The following DPP10 variants were observed in gnomAD, a reference collection of about 807,000 sequenced individuals.
DPP10 encodes the protein inactive dipeptidyl peptidase 10.
In DPP10, 33 loss-of-function variants were observed where a neutral mutation model predicts 120.9. The observed-to-expected ratio is 0.27, with a 90% confidence interval of 0.21 to 0.37. The LOEUF is 0.37. Among genes scored for constraint, DPP10 ranks in the 10% least tolerant of loss-of-function variants. The pLI is 1.00. For missense variants in DPP10, 816 were observed against 942.8 expected, an observed-to-expected ratio of 0.87 and a Z score of 1.76; for synonymous variants, 337 against 326.1, an observed-to-expected ratio of 1.03 and a Z score of -0.36.
intron 1 of DPP10, among the ~76,000 whole-genome samples, chr2:114,512,365 A>G (rs954910397): frequency 6.6e-6 from 1 of 152,162 alleles, no homozygotes; most frequent in African/African-American, 2.4e-5. Flanking sequence ...ATCTCTACAC[A>G]TACTTTAGGA....
chr2:114,524,186 A>G (rs971708907), intron 1 of DPP10, among the ~76,000 whole-genome samples: 6 of 152,262 alleles, frequency 3.9e-5, no homozygotes, highest in Non-Finnish European at 5.9e-5. Flanking sequence ...ACAGGTGAAG[A>G]TGACATTTGT....
At position 114,793,766 on chromosome 2, in the gene DPP10, C is replaced by G. The variant is rs138312994; in HGVS notation, c.60+350928C>G. Among the ~76,000 whole-genome samples, 830 of 152,258 alleles carry G rather than the reference C, an allele frequency of 5.5e-3. 5 individuals are homozygous for G. Among genetic ancestry groups the G allele is most frequent in the African/African-American group, 0.019 (795 of 41,548 alleles). ...TACCCTTGATGCATGCGGAGACTTC[C>G]TCTATCCATTTCTTATACCATGTTG... On this transcript the variant is annotated intron_variant, in intron 1 of 25. Coordinates refer to ENST00000410059, the MANE Select transcript of DPP10 (RefSeq NM_020868.6).
intron 19 of DPP10, among the ~76,000 whole-genome samples, chr2:115,800,551 G>T (rs1355807462): frequency 6.6e-6 from 1 of 152,044 alleles, no homozygotes; most frequent in Non-Finnish European, 1.5e-5. Flanking sequence ...TTTTCTTCTA[G>T]GGTTTTTATG....
At chr2:114,692,777 T>C (rs1699846501) in intron 1 of DPP10, among the ~76,000 whole-genome samples, 1 of 152,120 alleles carries the variant, frequency 6.6e-6, no homozygotes, top group Non-Finnish European at 1.5e-5. Context: ...ATTGGGTGCA[T>C]ATATATTTTA....
intron 5 of DPP10, among the ~76,000 whole-genome samples, chr2:115,552,183 A>G (rs77689522): frequency 1.6e-3 from 240 of 152,288 alleles, no homozygotes; most frequent in African/African-American, 5.1e-3. Context: ...ATCCCTGTCC[A>G]AGAGGAATGA....
intron 3 of DPP10, among the ~76,000 whole-genome samples, chr2:115,404,700 T>G (rs966500076): frequency 1.3e-5 from 2 of 152,152 alleles, no homozygotes; most frequent in Non-Finnish European, 2.9e-5. Context: ...AAGCCACATT[T>G]GATCAGCATC....
intron 1 of DPP10, among the ~76,000 whole-genome samples, chr2:115,142,076 G>C (rs1375331821): frequency 6.6e-6 from 1 of 152,106 alleles, no homozygotes; most frequent in Non-Finnish European, 1.5e-5. Flanking sequence ...GTGGGGCTAG[G>C]CTAGGAGTTA....
At chr2:115,617,480 A>G (rs2084610754) in intron 5 of DPP10, among the ~76,000 whole-genome samples, 1 of 151,720 alleles carries the variant, frequency 6.6e-6, no homozygotes, top group Non-Finnish European at 1.5e-5. Flanking sequence ...GCATAACAAT[A>G]TTTTGGTAAA....
intron 19 of DPP10, among the ~76,000 whole-genome samples, chr2:115,813,722 T>C (rs1686917893): frequency 6.6e-6 from 1 of 152,224 alleles, no homozygotes; most frequent in Non-Finnish European, 1.5e-5. Flanking sequence ...TGCTGAAAGG[T>C]TATTTGCTGT....
chr2:115,698,955 C>T (rs970103922), intron 7 of DPP10, among the ~76,000 whole-genome samples: 2 of 132,364 alleles, frequency 1.5e-5, no homozygotes, highest in African/African-American at 5.5e-5. Flanking sequence ...CAGAGAAAAT[C>T]ACTAAAATCA....
chr2:114,573,874 C>G (rs1689844945), intron 1 of DPP10, among the ~76,000 whole-genome samples: 1 of 152,106 alleles, frequency 6.6e-6, no homozygotes, highest in Non-Finnish European at 1.5e-5. Context: ...GCAAAGGTTG[C>G]CTTACTGCAA....
At chr2:115,074,374 A>AAT (rs1369831110) in intron 1 of DPP10, among the ~76,000 whole-genome samples, 1 of 152,150 alleles carries the variant, frequency 6.6e-6, no homozygotes, top group Non-Finnish European at 1.5e-5. Context: ...CCCAACTTAA[A>AAT]ATAGTTACCT....
At chr2:114,994,595 A>T (rs1246986913) in intron 1 of DPP10, among the ~76,000 whole-genome samples, 3 of 152,116 alleles carry the variant, frequency 2.0e-5, no homozygotes, top group African/African-American at 7.2e-5. Context: ...TGTCCCTCAG[A>T]GTCTCAACTG....
intron 1 of DPP10, among the ~76,000 whole-genome samples, chr2:114,775,584 G>A (rs1030130820): frequency 1.3e-5 from 2 of 152,166 alleles, no homozygotes; most frequent in African/African-American, 4.8e-5. Flanking sequence ...CTCAGCTGGA[G>A]GGAAAGTTCT....
rs921319685 is a variant in DPP10, at chr2:114,653,023, A to T, written c.60+210185A>T. 2.7e-3 allele frequency among the ~76,000 whole-genome samples: 278 copies of T among 102,580 alleles called. 1 individual carries two copies. The highest frequency in any genetic ancestry group is 0.012 in the Middle Eastern group (3 of 242). The allele number at this position is 102,580 out of a possible 152,430, so 67.3% of individuals were successfully genotyped here. ...GAGAGAGAGAGAAAGAGAGAGAGAG[A>T]GAGAGTGTGTGTGTGTGTGTGTGTG... On this transcript the variant is annotated intron_variant, in intron 1 of 25. Transcript: ENST00000410059.
At chr2:115,236,868 A>G (rs888121377) in intron 1 of DPP10, among the ~76,000 whole-genome samples, 4 of 152,202 alleles carry the variant, frequency 2.6e-5, no homozygotes, top group Non-Finnish European at 5.9e-5. Context: ...TAGTGTTAAC[A>G]TCTGCATTTC....
chr2:115,185,101 T>A (rs1250029903), intron 1 of DPP10, among the ~76,000 whole-genome samples: 1 of 152,206 alleles, frequency 6.6e-6, no homozygotes, highest in East Asian at 1.9e-4. Context: ...ATGAGATGGA[T>A]CACAGTGAGA....
At chr2:114,906,354 A>C (rs997490648) in intron 1 of DPP10, among the ~76,000 whole-genome samples, 9 of 151,750 alleles carry the variant, frequency 5.9e-5, no homozygotes, top group Non-Finnish European at 1.3e-4. Context: ...ACTTCACTCC[A>C]GCCTGGGCGA....
At chr2:114,520,066 A>G (rs1029098769) in intron 1 of DPP10, among the ~76,000 whole-genome samples, 15 of 152,258 alleles carry the variant, frequency 9.9e-5, no homozygotes, top group African/African-American at 3.4e-4. Flanking sequence ...AGAAAAATCA[A>G]TCTCATCAGT....
Sources: gnomAD v4.1 joint callset for allele counts (sites outside exome capture counted in the v4.1 genomes callset) on GRCh38, gnomAD v4.1.1 for gene constraint, MANE v1.5 for transcripts, NCBI Gene and HGNC (gene_info 2026-07-23, HGNC 2026-07-21) for gene names.